GSE1: variants seen among roughly 807,000 people sequenced by gnomAD.
GSE1 encodes Gse1 coiled-coil protein, also known as genetic suppressor element 1.
A neutral mutation model predicts 112.6 loss-of-function variants in GSE1; 32 were observed. That is an observed-to-expected ratio of 0.28 (90% CI 0.21 to 0.38). The LOEUF (loss-of-function observed/expected upper bound fraction) is 0.38. Ranked by LOEUF, GSE1 falls within the 10% of genes least tolerant of loss-of-function variation. The pLI, the probability that GSE1 is intolerant of heterozygous loss-of-function variation, is 1.00. For missense variants in GSE1, 2,348 were observed against 1,699.2 expected (o/e 1.38, Z -6.71); for synonymous variants, 1,115 against 735.6 (o/e 1.52, Z -8.35).
chr16:85,568,923 A>C (rs947217164), intron 1 of GSE1, among the ~76,000 whole-genome samples: 1 of 151,730 alleles, frequency 6.6e-6, no homozygotes, highest in Non-Finnish European at 1.5e-5. Flanking sequence ...CTCTGCCTCT[A>C]CTCCCCTCTT....
At chr16:85,582,728 G>A (rs536379301) in intron 1 of GSE1, among the ~76,000 whole-genome samples, 1 of 152,208 alleles carries the variant, frequency 6.6e-6, no homozygotes, top group South Asian at 2.1e-4. Context: ...TGGGGACGGG[G>A]CCATCCTGCA....
intron 1 of GSE1, among the ~76,000 whole-genome samples, chr16:85,173,267 A>G (rs1490577532): frequency 6.6e-6 from 1 of 152,188 alleles, no homozygotes; most frequent in Non-Finnish European, 1.5e-5. Context: ...AAGTCAGACA[A>G]CACTCAGTCA....
At chr16:85,232,550 C>T (rs1904298085) in intron 1 of GSE1, among the ~76,000 whole-genome samples, 2 of 152,014 alleles carry the variant, frequency 1.3e-5, no homozygotes, top group African/African-American at 4.8e-5. Flanking sequence ...ATAGACCCTC[C>T]AGAGCCCTGG....
At chr16:85,219,659 C>T (rs1195196589) in intron 1 of GSE1, among the ~76,000 whole-genome samples, 1 of 152,226 alleles carries the variant, frequency 6.6e-6, no homozygotes, top group African/African-American at 2.4e-5. Flanking sequence ...GTGTTCATAT[C>T]ATGTCCTCTG....
intron 2 of GSE1, among the ~76,000 whole-genome samples, chr16:85,449,054 C>G (rs1336835588): frequency 1.3e-5 from 2 of 152,058 alleles, no homozygotes; most frequent in Non-Finnish European, 2.9e-5. Flanking sequence ...GGTGGCCGGG[C>G]GCAGGAGGGA....
At position 85,657,261 on chromosome 16, in the gene GSE1, G is replaced by C. The variant is rs747808788; in HGVS notation, c.1313-16G>C. 6.6e-7 allele frequency: 1 copy of C among 1,511,670 alleles called. No individual in the cohort carries two copies. Among genetic ancestry groups the C allele is most frequent in the Non-Finnish European group, 8.9e-7 (1 of 1,124,928 alleles). The allele number at this position is 1,511,670 out of a possible 1,614,324, so 93.6% of individuals were successfully genotyped here. On this transcript the variant is annotated splice_polypyrimidine_tract_variant and intron_variant, in intron 7 of 15. Coordinates refer to ENST00000253458, the MANE Select transcript of GSE1 (RefSeq NM_014615.5). ...CACGTGGCTGAGATCCTGCTTGACC[G>C]TGTTTCCCCCCACAGAGAAGCTGAA... is the stretch of plus-strand genomic sequence containing the variant.
At chr16:85,379,261 A>G (rs1286123300) in intron 2 of GSE1, among the ~76,000 whole-genome samples, 4 of 152,194 alleles carry the variant, frequency 2.6e-5, no homozygotes, top group East Asian at 1.9e-4. Flanking sequence ...ATCAACTCCA[A>G]TCCTGGTCTG....
chr16:85,415,420 C>G (rs1332727703), intron 2 of GSE1, among the ~76,000 whole-genome samples: 1 of 152,206 alleles, frequency 6.6e-6, no homozygotes, highest in Admixed American at 6.5e-5. Flanking sequence ...TGGTGGCTTC[C>G]AGGTGCTGAG....
chr16:85,390,468 G>A (rs1028064788), intron 2 of GSE1, among the ~76,000 whole-genome samples: 6 of 152,132 alleles, frequency 3.9e-5, no homozygotes, highest in Non-Finnish European at 5.9e-5. Context: ...AGCTAGCTTC[G>A]TGTCCCTCCA....
intron 1 of GSE1, among the ~76,000 whole-genome samples, chr16:85,320,854 A>G (rs2046092347): frequency 1.3e-5 from 2 of 152,126 alleles, no homozygotes; most frequent in South Asian, 2.1e-4. Context: ...CCACAGCACC[A>G]GGCATGCTTG....
intron 1 of GSE1, among the ~76,000 whole-genome samples, chr16:85,209,049 TTGTTGGGGTTCACCTG>T (rs1359082238): frequency 2.4e-4 from 36 of 148,554 alleles, no homozygotes; most frequent in African/African-American, 8.7e-4. Context: ...GGTTTGCCAC[TTGTTGGGGTTCACCTG>T]TGTTGGGGTT....
intron 3 of GSE1, 38 bp from the exon 4 acceptor site, chr16:85,654,240 C>G: frequency 1.3e-6 from 2 of 1,556,532 alleles, no homozygotes; most frequent in Non-Finnish European, 8.7e-7. Context: ...GTGGCCTATA[C>G]CAGGCTCCTG....
intron 2 of GSE1, among the ~76,000 whole-genome samples, chr16:85,460,705 G>T (rs1354685898): frequency 6.6e-6 from 1 of 152,174 alleles, no homozygotes; most frequent in Non-Finnish European, 1.5e-5. Context: ...GGAGGCCAGG[G>T]CGGAGCACCC....
chr16:85,507,969 A>G lies in GSE1; in HGVS notation c.2465-125945A>G, dbSNP rs1302190876. Among the ~76,000 whole-genome samples the G allele has an allele frequency of 2.0e-5, 3 of 152,184 alleles. No individual in the cohort carries two copies. The East Asian group carries it at 5.8e-4, about 29-fold the overall frequency. The stretch of plus-strand genomic sequence containing the variant: ...CCCCTGCATGACAAAGAGTGTGCCC[A>G]GTCCCCCAGAAGCCCCCTGTGGCCC... On this transcript the variant is annotated intron_variant, in intron 2 of 2. Transcript: ENST00000637419.
chr16:85,361,609 C>T (rs920132859), intron 2 of GSE1, among the ~76,000 whole-genome samples: 4 of 152,322 alleles, frequency 2.6e-5, no homozygotes, highest in Admixed American at 6.5e-5. Context: ...GCAGGTGGCG[C>T]GACTGTAACC....
rs114609882 is a variant in GSE1, at chr16:85,549,134, C to G, written c.2465-84780C>G. ...CACAGATTCTTTCTAAATAAGGCCA[C>G]ATTCACAGGTACCAAGCAGACATAT... On this transcript the variant is annotated intron_variant, in intron 2 of 2. Transcript: ENST00000637419. Among the ~76,000 whole-genome samples, 394 of 151,836 alleles carry G rather than the reference C, an allele frequency of 2.6e-3. 1 individual carries two copies. The highest frequency in any genetic ancestry group is 9.4e-3 in the African/African-American group (388 of 41,438).
chr16:85,536,582 G>A (rs2044335925), intron 2 of GSE1, among the ~76,000 whole-genome samples: 1 of 152,192 alleles, frequency 6.6e-6, no homozygotes, highest in Admixed American at 6.5e-5. Flanking sequence ...ACGGTCGGGT[G>A]GCAGCTTCTT....
At chr16:85,346,860 T>C (rs1242606563) in intron 1 of GSE1, among the ~76,000 whole-genome samples, 2 of 150,952 alleles carry the variant, frequency 1.3e-5, no homozygotes, top group Non-Finnish European at 3.0e-5. Flanking sequence ...GGATGGGTGA[T>C]GGACAGGTAG....
At chr16:85,633,447 C>T (rs150747869) in intron 1 of GSE1, among the ~76,000 whole-genome samples, 56 of 152,352 alleles carry the variant, frequency 3.7e-4, no homozygotes, top group Middle Eastern at 3.4e-3. Context: ...GTGCTTGTCG[C>T]GTCAGTGGCC....
Sources: allele counts gnomAD v4.1 joint callset (sites outside exome capture counted in the v4.1 genomes callset), GRCh38; gene constraint gnomAD v4.1.1; transcripts MANE v1.5; gene names NCBI Gene and HGNC (gene_info 2026-07-23, HGNC 2026-07-21).